Variants in GGPS1 observed in about 807,000 individuals in gnomAD.
GGPS1 encodes the protein geranylgeranyl diphosphate synthase 1.
A neutral mutation model predicts 28.1 loss-of-function variants in GGPS1; 15 were observed. The observed-to-expected ratio is 0.53, with a 90% CI of 0.36 to 0.82. The LOEUF (loss-of-function observed/expected upper bound fraction) is 0.82. Ranked by LOEUF, GGPS1 falls within the 40% of genes least tolerant of loss-of-function variation. GGPS1 has a pLI of 0.01. For synonymous variants in GGPS1, 138 were observed against 122.4 expected, an observed-to-expected ratio of 1.13 and a Z score of -0.84; for missense variants, 284 against 348.3, an observed-to-expected ratio of 0.82 and a Z score of 1.47.
intron 1 of GGPS1, chr1:235,330,397 AT>A (rs1675674595): frequency 6.6e-6 from 1 of 152,252 alleles, no homozygotes; most frequent in African/African-American, 2.4e-5. Context: ...AGGCAGGAGA[AT>A]GGCGTGAACC....
intron 2 of GGPS1, among the ~76,000 whole-genome samples, chr1:235,339,053 A>G (rs927730574): frequency 1.3e-5 from 2 of 152,080 alleles, no homozygotes; most frequent in African/African-American, 4.8e-5. Context: ...TAATCCCTAC[A>G]CTTTGGGAGG....
At chr1:235,327,920 C>A (rs1195357120), upstream of GGPS1, 1 of 152,578 alleles carries the variant, frequency 6.6e-6, no homozygotes, top group Admixed American at 6.5e-5. Context: ...CCTCCTCCCG[C>A]GGCGGCGACT....
chr1:235,334,900 G>T (rs1159897634), intron 1 of GGPS1, among the ~76,000 whole-genome samples: 1 of 152,072 alleles, frequency 6.6e-6, no homozygotes, highest in Admixed American at 6.6e-5. Flanking sequence ...ACCATGCTCG[G>T]CTAATCTTTG....
At chr1:235,328,239 T>TC (rs1675500714), upstream of GGPS1, 1 of 145,458 alleles carries the variant, frequency 6.9e-6, no homozygotes, top group African/African-American at 2.5e-5. Context: ...TAGATTTTTT[T>TC]TCCCCCCCTC....
chr1:235,333,645 A>G (rs1309469147), intron 1 of GGPS1, among the ~76,000 whole-genome samples: 4 of 152,058 alleles, frequency 2.6e-5, no homozygotes, highest in Non-Finnish European at 5.9e-5. Flanking sequence ...TTCTTCATTC[A>G]AAAGAAAGTG....
chr1:235,330,138 G>A (rs971641563), intron 1 of GGPS1: 1 of 152,188 alleles, frequency 6.6e-6, no homozygotes, highest in African/African-American at 2.4e-5. Context: ...AAACAAAGGC[G>A]GGTGAGGGTG....
At chr1:235,341,319 T>A (rs1053478543) in intron 2 of GGPS1, among the ~76,000 whole-genome samples, 10 of 152,148 alleles carry the variant, frequency 6.6e-5, no homozygotes, top group African/African-American at 2.2e-4. Context: ...AGAGCAAAAC[T>A]CTGTCTCAAA....
chr1:235,327,379 G>T (rs1254758645), upstream of GGPS1: 1 of 152,536 alleles, frequency 6.6e-6, no homozygotes, highest in Non-Finnish European at 1.5e-5. Context: ...GAGGGGCCAG[G>T]AGGGCCTGTG....
chr1:235,328,400 A>C (rs2103332590), upstream of GGPS1: 2 of 152,426 alleles, frequency 1.3e-5, no homozygotes, highest in East Asian at 3.9e-4. Context: ...TTACGCCTCA[A>C]GGCTTTCTGG....
At chr1:235,330,112 C>T (rs1293839122) in intron 1 of GGPS1, 1 of 152,084 alleles carries the variant, frequency 6.6e-6, no homozygotes, top group Non-Finnish European at 1.5e-5. Flanking sequence ...TTGGGAAATC[C>T]TTTGATTTAA....
At chr1:235,333,112 C>T (rs72758087) in intron 1 of GGPS1, among the ~76,000 whole-genome samples, 24,763 of 141,108 alleles carry the variant, frequency 0.18, 2,889 homozygotes, top group African/African-American at 0.33. Context: ...CTCACTGTTA[C>T]AATAAATAAC....
At chr1:235,327,491 G>A (rs1023404655), upstream of GGPS1, 2 of 152,348 alleles carry the variant, frequency 1.3e-5, no homozygotes, top group East Asian at 1.9e-4. Flanking sequence ...CCCCGCCGCG[G>A]GGACAACGTG....
At chr1:235,341,353 C>G (rs549358997) in intron 2 of GGPS1, among the ~76,000 whole-genome samples, 114 of 152,186 alleles carry the variant, frequency 7.5e-4, no homozygotes, top group Non-Finnish European at 1.2e-3. Context: ...AACTAGCTTC[C>G]TTTTCAAAAA....
chr1:235,335,084 G>A (rs1675825596), intron 1 of GGPS1, among the ~76,000 whole-genome samples, 158 bp from the exon 2 acceptor site: 1 of 152,154 alleles, frequency 6.6e-6, no homozygotes, highest in African/African-American at 2.4e-5. Flanking sequence ...CAAAGTGCTG[G>A]GATTACAGGC....
rs750781673 is a variant in GGPS1 at position 235,343,900 on chromosome 1, G to C, written c.*1128G>C. On this transcript the variant is annotated 3_prime_UTR_variant, in exon 4 of 4. Coordinates refer to ENST00000282841, the MANE Select transcript of GGPS1 (RefSeq NM_004837.4). ...TAAGTACAAAAGCATGGAAAAATGC[G>C]CTTTTCCTTCCCGCCCACATCACCA... The C allele has an allele frequency of 6.0e-6, 1 of 166,764 alleles. No homozygotes were observed. The highest frequency in any genetic ancestry group is 6.6e-5 in the Admixed American group (1 of 15,230). The allele number at this position is 166,764 out of a possible 1,614,324, so 10.3% of individuals were successfully genotyped here.
At chr1:235,328,515 GA>G (rs1431389800), upstream of GGPS1, 3 of 152,184 alleles carry the variant, frequency 2.0e-5, no homozygotes, top group Admixed American at 6.6e-5. Context: ...GGGCGGGGGG[GA>G]GGTGAAAGGG....
rs2103342973 is a variant in GGPS1, at chr1:235,335,233, T to C, written c.-23-9T>C. 1 of 1,153,996 alleles carries C rather than the reference T, an allele frequency of 8.7e-7. No homozygotes were observed. The highest frequency in any genetic ancestry group is 2.1e-4 in the Middle Eastern group (1 of 4,870). 71.5% of individuals were successfully genotyped at this position (1,153,996 alleles called of 1,614,324 possible). On this transcript the variant is annotated splice_polypyrimidine_tract_variant and intron_variant, in intron 1 of 3. Transcript: ENST00000282841. ...TTCATGTGATCTTTATGTTTCTCCT[T>C]TTTGACAGATTAGCTTTGAAGTTTA...
Position 235,341,743 on chromosome 1 carries a change from A to G in GGPS1, c.106A>G (p.Asn36Asp). 1.2e-6 allele frequency: 2 copies of G among 1,602,422 alleles called. No homozygotes were observed. Among genetic ancestry groups the G allele is most frequent in the Non-Finnish European group, 8.6e-7 (1 of 1,169,366 alleles). ...GAGAACCAAACTTTCACAGGCATTTAATCATTGGCTGAAAGTTCCAGAGGA... is the reference window on the plus strand; with the variant it reads ...GAGAACCAAACTTTCACAGGCATTTGATCATTGGCTGAAAGTTCCAGAGGA... ...QVRTKLSQAF[N>D]HWLKVPEDKL... is the part of the protein sequence containing the mutation. Residue 36 changes from asparagine (N) to aspartate (D), a missense_variant, in exon 3 of 4, where the codon AAT becomes GAT. Asn to Asp is a conservative substitution (Grantham distance 23). Coordinates refer to ENST00000282841, the MANE Select transcript of GGPS1 (RefSeq NM_004837.4).
chr1:235,334,422 A>G (rs1021251325), intron 1 of GGPS1, among the ~76,000 whole-genome samples: 4 of 152,220 alleles, frequency 2.6e-5, no homozygotes, highest in Admixed American at 2.6e-4. Flanking sequence ...TTTGACCAAT[A>G]TAATCACTTG....
Sources: gnomAD v4.1 joint callset for allele counts (sites outside exome capture counted in the v4.1 genomes callset) on GRCh38, gnomAD v4.1.1 for gene constraint, MANE v1.5 for transcripts, NCBI Gene and HGNC (gene_info 2026-07-23, HGNC 2026-07-21) for gene names.